The following ZNF12 variants were observed in gnomAD, a reference collection of about 807,000 sequenced individuals.
The protein encoded by ZNF12 is gonadotropin inducible transcription repressor 3.
ZNF12 carries 34 observed loss-of-function variants against 66.6 expected under a neutral mutation model. The observed-to-expected ratio is 0.51, with a 90% CI of 0.39 to 0.68. The LOEUF is 0.68. ZNF12 is among the 30% of genes least tolerant of loss of function. The pLI is 0.00. For missense variants in ZNF12, 697 were observed against 826.9 expected (o/e 0.84, Z 1.93); for synonymous variants, 320 against 278.9 (o/e 1.15, Z -1.47).
At position 6,689,609 on chromosome 7, in the gene ZNF12, C is replaced by A. The variant is rs1780035199; in HGVS notation, c.*1239G>T. The A allele has an allele frequency of 6.6e-6, 1 of 152,610 alleles. No individual in the cohort carries two copies. Among genetic ancestry groups the A allele is most frequent in the Admixed American group, 6.5e-5 (1 of 15,274 alleles). 9.5% of individuals were successfully genotyped at this position (152,610 alleles called of 1,614,324 possible). ...GAAAGTCACTCGGCAATGTCTGCCA[C>A]AGACCCTTGTTAGAATGTGTTCTTA... On this transcript the variant is annotated 3_prime_UTR_variant, in exon 5 of 5. Coordinates refer to ENST00000405858, the MANE Select transcript of ZNF12 (RefSeq NM_016265.4).
rs765849069 is a variant in ZNF12 at position 6,690,855 on chromosome 7, A to G, written c.2087T>C (p.Leu696Pro). 5 of 1,607,408 alleles carry G rather than the reference A, an allele frequency of 3.1e-6. No individual in the cohort carries two copies. In the Admixed American group the frequency reaches 8.5e-5, roughly 27 times the overall value. ...ATAAAATGAGGTCTGACTTCAGAGA[A>G]GCCTTCCCACATCTATTACATTCAT... ...GNMNVIDVGR[L>P]L is the part of the protein sequence containing the mutation. The change falls in exon 5 of 5, where the codon CTT (leucine) becomes CCT (proline). Residue 696 changes from leucine to proline, a missense_variant. Around this residue, in one of 3 missense-constraint regions of ZNF12, gnomAD observed 401 missense variants for 519.0 expected, o/e 0.77. Coordinates refer to ENST00000405858, the MANE Select transcript of ZNF12 (RefSeq NM_016265.4).
rs1780066110 is a variant in ZNF12, at chr7:6,691,424, T to C, written c.1518A>G (p.Ser506=). Residue 506 remains serine (S), a synonymous_variant, in exon 5 of 5, where the codon TCA becomes TCG. Coordinates refer to ENST00000405858, the MANE Select transcript of ZNF12 (RefSeq NM_016265.4). ...GAGTTCTATGATGGATAGTGAGGTATGACAACTGGGAGAATAACTTTCCAC... is the reference window on the plus strand; with the variant it reads ...GAGTTCTATGATGGATAGTGAGGTACGACAACTGGGAGAATAACTTTCCAC... The part of the protein sequence containing the change: ...NECGKLFSQL[S]YLTIHHRTHS... 2 of 1,613,946 alleles carry C rather than the reference T, an allele frequency of 1.2e-6. No homozygotes were observed. The highest frequency in any genetic ancestry group is 1.3e-5 in the African/African-American group (1 of 75,020).
At chr7:6,695,818 G>A (rs1780145939) in intron 4 of ZNF12, among the ~76,000 whole-genome samples, 1 of 152,216 alleles carries the variant, frequency 6.6e-6, no homozygotes, top group South Asian at 2.1e-4. Flanking sequence ...AAGTCAGGGA[G>A]GGGTTGAAGA....
In ZNF12 at chr7:6,690,642, G is replaced by A. The variant is rs1343519089; in HGVS notation, c.*206C>T. 2 of 518,452 alleles carry A rather than the reference G, an allele frequency of 3.9e-6. No homozygotes were observed. The highest frequency in any genetic ancestry group is 1.9e-5 in the African/African-American group (1 of 52,064). 32.1% of individuals were successfully genotyped at this position (518,452 alleles called of 1,614,324 possible). A position where few individuals can be genotyped will look rare whatever the true frequency, so the allele number is the denominator to read the frequency against. ...TCTTAATATTTATAAATTTTTACTT[G>A]TCTATAGTCTAGTATTGTTATACCA... On this transcript the variant is annotated 3_prime_UTR_variant, in exon 5 of 5. Transcript: ENST00000405858.
chr7:6,696,965 A>T lies in ZNF12; in HGVS notation c.238+374T>A, dbSNP rs1780163271. On this transcript the variant is annotated intron_variant, in intron 4 of 4. Coordinates refer to ENST00000405858, the MANE Select transcript of ZNF12 (RefSeq NM_016265.4). This position sits in a 1 kb window ranked among gnomAD's most constrained non-coding sequence, Gnocchi z 4.0. ...AACAGTCTCAGGCACTGCACGGTAA[A>T]GATTAAAAAAAAAAAACCAGAAGTT... is the stretch of plus-strand genomic sequence containing the variant. 6.6e-6 allele frequency among the ~76,000 whole-genome samples: 1 copy of T among 151,238 alleles called. No homozygotes were observed. Among genetic ancestry groups the T allele is most frequent in the Middle Eastern group, 3.2e-3 (1 of 316 alleles).
In ZNF12 at chr7:6,692,576, A is replaced by G; in HGVS notation, c.366T>C (p.Asp122=). The G allele has an allele frequency of 6.2e-7, 1 of 1,613,894 alleles. No homozygotes were observed. The highest frequency in any genetic ancestry group is 1.1e-5 in the South Asian group (1 of 91,080). Residue 122 remains aspartate (D), a synonymous_variant, in exon 5 of 5, where the codon GAT becomes GAC. Transcript: ENST00000405858. This position sits in a 1 kb window ranked among gnomAD's most constrained non-coding sequence, Gnocchi z 5.1. The part of the protein sequence containing the change: ...ERGNVPGKTF[D]VETNPVPSRK... ...TTGAAGGAACAGGGTTCGTTTCTACATCAAAAGTTTTACCAGGAACATTAC... is the reference window on the plus strand; with the variant it reads ...TTGAAGGAACAGGGTTCGTTTCTACGTCAAAAGTTTTACCAGGAACATTAC...
chr7:6,700,087 C>G (rs1780210178), intron 2 of ZNF12, among the ~76,000 whole-genome samples: 1 of 151,722 alleles, frequency 6.6e-6, no homozygotes, highest in African/African-American at 2.4e-5. Flanking sequence ...AAATCGAGAC[C>G]ATCCTGGCTA....
Position 6,692,751 on chromosome 7 carries a change from A to G in ZNF12, c.239-48T>C, listed in dbSNP as rs369130306. On this transcript the variant is annotated intron_variant, in intron 4 of 4. Transcript: ENST00000405858. This position sits in a 1 kb window ranked among gnomAD's most constrained non-coding sequence, Gnocchi z 5.1. ...AACTTTTGTACATCTTCCTATATAT[A>G]TATGATATGGAATGAGATTCATGAT... 18 of 1,489,502 alleles carry G rather than the reference A, an allele frequency of 1.2e-5. No individual in the cohort carries two copies. Among genetic ancestry groups the G allele is most frequent in the Non-Finnish European group, 6.3e-6 (7 of 1,114,750 alleles). 92.3% of individuals were successfully genotyped at this position (1,489,502 alleles called of 1,614,324 possible).
chr7:6,704,414 GACA>G (rs1780312670), intron 2 of ZNF12: 1 of 151,548 alleles, frequency 6.6e-6, no homozygotes, highest in African/African-American at 2.4e-5. Context: ...CTACCTTTGA[GACA>G]ACAATGTTTT....
chr7:6,695,153 G>A (rs1462953446), intron 4 of ZNF12, among the ~76,000 whole-genome samples: 2 of 152,318 alleles, frequency 1.3e-5, no homozygotes, highest in African/African-American at 4.8e-5. Flanking sequence ...CTGACCTCAT[G>A]ATCTGCCCGC....
Position 6,692,487 on chromosome 7 carries a change from T to C in ZNF12, c.455A>G (p.Glu152Gly). 6.2e-7 allele frequency: 1 copy of C among 1,613,282 alleles called. No individual in the cohort carries two copies. The highest frequency in any genetic ancestry group is 1.3e-5 in the African/African-American group (1 of 74,998). Residue 152 changes from glutamate (E) to glycine (G), a missense_variant, in exon 5 of 5, where the codon GAA becomes GGA. Physicochemically the swap from Glu to Gly is moderately conservative, Grantham distance 98. Transcript: ENST00000405858. The surrounding 1 kb of genome is among the most constrained non-coding windows in gnomAD (Gnocchi z 5.1). ...ATAGCTTCCATCACTACTAATATAT[T>C]CTGAAACAGACGTTAAACACTTTTC... Reference protein sequence around the residue: ...SCEKCLTSVSEYISSDGSYAR... With the variant: ...SCEKCLTSVSGYISSDGSYAR...
At chr7:6,700,566 C>T (rs368871363) in intron 2 of ZNF12, among the ~76,000 whole-genome samples, 2 of 152,150 alleles carry the variant, frequency 1.3e-5, no homozygotes, top group Non-Finnish European at 2.9e-5. Flanking sequence ...GTGTCACTGA[C>T]TCAATCCCCT....
chr7:6,691,442 C>T lies in ZNF12; in HGVS notation c.1500G>A (p.Lys500=), dbSNP rs1780066404. 6 of 1,613,966 alleles carry T rather than the reference C, an allele frequency of 3.7e-6. No individual in the cohort carries two copies. The East Asian group carries it at 1.1e-4, about 30-fold the overall frequency. The change falls in exon 5 of 5, where the codon AAG becomes AAA. Residue 500 remains lysine (K), a synonymous_variant. Coordinates refer to ENST00000405858, the MANE Select transcript of ZNF12 (RefSeq NM_016265.4). The part of the protein sequence containing the change: ...EKPYECNECG[K]LFSQLSYLTI... ...TGAGGTATGACAACTGGGAGAATAA[C>T]TTTCCACATTCATTACATTCGTAAG...
intron 4 of ZNF12, among the ~76,000 whole-genome samples, chr7:6,694,932 CT>C (rs774746726): frequency 2.0e-5 from 3 of 151,462 alleles, no homozygotes; most frequent in East Asian, 1.9e-4. Context: ...GCGCTGTTCT[CT>C]TTTTTTTTGA....
At chr7:6,706,260 A>AC (rs576548455) in intron 1 of ZNF12, among the ~76,000 whole-genome samples, 172 bp downstream of exon 1, 1 of 151,982 alleles carries the variant, frequency 6.6e-6, no homozygotes, top group Admixed American at 6.5e-5. Flanking sequence ...GGCTGGTGAC[A>AC]CCCCCCACGC....
rs1436663654 is a variant in ZNF12, at chr7:6,692,616, AG to A, written c.325del (p.Leu109Ter). 6.2e-7 allele frequency: 1 copy of A among 1,613,716 alleles called. No homozygotes were observed. The highest frequency in any genetic ancestry group is 8.5e-7 in the Non-Finnish European group (1 of 1,179,834). The part of the protein sequence containing the change: ...PSRQTVFIET[L>X]IEERGNVPGK... ...AGGAACATTACCTCTCTCTTCAATC[AG>A]GGTCTCAATGAACACAGTTTGCCTT... On this transcript the variant is annotated frameshift_variant, in exon 5 of 5. Coordinates refer to ENST00000405858, the MANE Select transcript of ZNF12 (RefSeq NM_016265.4). LOFTEE classifies it high-confidence loss of function. The surrounding 1 kb of genome is among the most constrained non-coding windows in gnomAD (Gnocchi z 5.1).
Position 6,691,924 on chromosome 7 carries a change from G to C in ZNF12, c.1018C>G (p.Leu340Val). 6.2e-7 allele frequency: 1 copy of C among 1,614,122 alleles called. No individual in the cohort carries two copies. ...CGKNFYQKLH[L>V]IQHQRTHSGE... Reference sequence around the variant, plus strand: ...GAGTGAGTTCTCTGATGCTGAATGAGGTGTAACTTCTGGTAAAAGTTCTTC... The same window carrying C: ...GAGTGAGTTCTCTGATGCTGAATGACGTGTAACTTCTGGTAAAAGTTCTTC... The change falls in exon 5 of 5, where the codon CTC becomes GTC. Residue 340 changes from leucine (L) to valine (V), a missense_variant. Coordinates refer to ENST00000405858, the MANE Select transcript of ZNF12 (RefSeq NM_016265.4).
At chr7:6,706,214 G>C (rs772058715) in intron 1 of ZNF12, among the ~76,000 whole-genome samples, 1 of 152,174 alleles carries the variant, frequency 6.6e-6, no homozygotes, top group Non-Finnish European at 1.5e-5. Flanking sequence ...AGGGCTGCTG[G>C]GGTGAGGGGG....
rs200944240 is a variant in ZNF12 at position 6,691,667 on chromosome 7, C to T, written c.1275G>A (p.Thr425=). The change falls in exon 5 of 5, where the codon ACG becomes ACA. Residue 425 remains threonine (T), a synonymous_variant. Transcript: ENST00000405858. Reference sequence around the variant, plus strand: ...CTCCTGTGTGGGTCCTCAGGTGGGTCGTGAGAGTAGACTTGCGGCAGAAGC... The same window carrying T: ...CTCCTGTGTGGGTCCTCAGGTGGGTTGTGAGAGTAGACTTGCGGCAGAAGC... ...GKCFCRKSTL[T]THLRTHTGEK... The T allele has an allele frequency of 1.1e-5, 18 of 1,612,748 alleles. No individual in the cohort carries two copies. Among genetic ancestry groups the T allele is most frequent in the East Asian group, 8.9e-5 (4 of 44,706 alleles).
Sources: allele counts gnomAD v4.1 joint callset (sites outside exome capture counted in the v4.1 genomes callset), GRCh38; gene constraint gnomAD v4.1.1; regional missense constraint gnomAD v4.1.1; non-coding constraint Gnocchi (gnomAD v3.1); transcripts MANE v1.5; gene names NCBI Gene and HGNC (gene_info 2026-07-23, HGNC 2026-07-21).